IL18RAP: variants seen among roughly 807,000 people sequenced by gnomAD.
The protein encoded by IL18RAP is interleukin-18 receptor accessory protein.
In IL18RAP, 37 loss-of-function variants were observed where a neutral mutation model predicts 58.1. The ratio of observed to expected loss-of-function variants is 0.64; its 90% CI spans 0.49 to 0.84. The LOEUF (loss-of-function observed/expected upper bound fraction) is 0.84, where lower values mean the gene tolerates loss of function less well. Ranked by LOEUF, IL18RAP falls within the 40% of genes least tolerant of loss-of-function variation. The pLI is 0.00. For missense variants in IL18RAP, 667 were observed against 704.8 expected (o/e 0.95, Z 0.61); for synonymous variants, 268 against 257.5 (o/e 1.04, Z -0.39).
At chr2:102,440,033 A>G (rs13021177) in intron 4 of IL18RAP, 75,331 of 152,082 alleles carry the variant, frequency 0.5, 19,679 homozygotes, top group African/African-American at 0.6. Flanking sequence ...CAGCAAGTGA[A>G]TATCAGTGGA....
chr2:102,424,110 T>C lies in IL18RAP; in HGVS notation c.370T>C (p.Tyr124His). Reference protein sequence around the residue: ...LTPGVNNSGSYICRPKMIKSP... With the variant: ...LTPGVNNSGSHICRPKMIKSP... Reference sequence around the variant, plus strand: ...CCCAGGGGTGAATAATTCTGGGTCATATATTTGTAGACCCAAGATGATTAA... The same window carrying C: ...CCCAGGGGTGAATAATTCTGGGTCACATATTTGTAGACCCAAGATGATTAA... The change falls in exon 2 of 10, where the codon TAT becomes CAT. Residue 124 changes from tyrosine to histidine, a missense_variant. By Grantham distance (83) the Tyr-to-His change is moderately conservative (BLOSUM62 2). Coordinates refer to ENST00000687160, the MANE Select transcript of IL18RAP (RefSeq NM_001393487.1). The C allele has an allele frequency of 3.1e-6, 5 of 1,612,636 alleles. No individual in the cohort carries two copies. Among genetic ancestry groups the C allele is most frequent in the Non-Finnish European group, 4.2e-6 (5 of 1,178,870 alleles).
chr2:102,450,223 C>T (rs1035543829), intron 8 of IL18RAP, among the ~76,000 whole-genome samples: 2 of 274 alleles, frequency 7.3e-3, no homozygotes, highest in African/African-American at 0.026. Context: ...TATCCTATAA[C>T]AAGTTATATA....
chr2:102,420,703 C>A (rs1297808271), upstream of IL18RAP, among the ~76,000 whole-genome samples: 1 of 152,112 alleles, frequency 6.6e-6, no homozygotes, highest in African/African-American at 2.4e-5. Context: ...TTACAAATAT[C>A]CCGACTTAAA....
At chr2:102,428,530 A>G (rs1682122270) in intron 3 of IL18RAP, among the ~76,000 whole-genome samples, 1 of 151,796 alleles carries the variant, frequency 6.6e-6, no homozygotes, top group African/African-American at 2.4e-5. Context: ...GTACAGGGAA[A>G]CACTGCTAAT....
chr2:102,420,716 T>C (rs11465683), upstream of IL18RAP, among the ~76,000 whole-genome samples: 1,170 of 152,316 alleles, frequency 7.7e-3, 20 homozygotes, highest in Non-Finnish European at 0.013. Flanking sequence ...GACTTAAACA[T>C]CAGAAATTCT....
intron 3 of IL18RAP, among the ~76,000 whole-genome samples, chr2:102,432,101 CT>C (rs966809587): frequency 2.0e-5 from 3 of 152,084 alleles, no homozygotes; most frequent in African/African-American, 7.2e-5. Flanking sequence ...ACTATGTAGT[CT>C]AGCCTGGGAT....
chr2:102,424,687 C>T (rs1681821109), intron 3 of IL18RAP, among the ~76,000 whole-genome samples: 1 of 152,156 alleles, frequency 6.6e-6, no homozygotes, highest in Non-Finnish European at 1.5e-5. Flanking sequence ...TAGACATAAA[C>T]CTACTAACAT....
chr2:102,418,761 G>T (rs550654296), upstream of IL18RAP: 2 of 152,236 alleles, frequency 1.3e-5, no homozygotes, highest in Non-Finnish European at 2.9e-5. Flanking sequence ...TTTTGAGCTG[G>T]TGTAACGTGG....
intron 3 of IL18RAP, among the ~76,000 whole-genome samples, chr2:102,432,776 T>C (rs911646058): frequency 2.0e-5 from 3 of 152,242 alleles, no homozygotes; most frequent in Non-Finnish European, 4.4e-5. Flanking sequence ...TGGGTCACCA[T>C]GCTTGGAGAT....
intron 3 of IL18RAP, among the ~76,000 whole-genome samples, chr2:102,431,083 A>G (rs1187192597): frequency 1.3e-5 from 2 of 152,204 alleles, no homozygotes; most frequent in Admixed American, 1.3e-4. Context: ...CAGTTTAAAT[A>G]ATTCCTTTTA....
At chr2:102,431,689 A>T (rs993804736) in intron 3 of IL18RAP, among the ~76,000 whole-genome samples, 2 of 152,036 alleles carry the variant, frequency 1.3e-5, no homozygotes, top group Non-Finnish European at 2.9e-5. Context: ...TGTTGATATT[A>T]TAGTTCAGGT....
chr2:102,446,944 G>A, intron 7 of IL18RAP, 126 bp from the exon 8 acceptor site: 1 of 999,328 alleles, frequency 1.0e-6, no homozygotes, highest in Non-Finnish European at 1.5e-6. Context: ...TGCTGCTAGT[G>A]GCAATGATTT....
rs377337034 is a variant in IL18RAP at position 102,424,065 on chromosome 2, T to C, written c.325T>C (p.Cys109Arg). The C allele has an allele frequency of 1.9e-6, 3 of 1,613,992 alleles. No individual in the cohort carries two copies. The highest frequency in any genetic ancestry group is 2.7e-5 in the African/African-American group (2 of 74,928). ...KSYPHIIQDK[C>R]TLHFLTPGVN... ...CTATCCTCACATCATTCAGGACAAA[T>C]GTACCCTTCACTTTTTGACCCCAGG... The change falls in exon 2 of 10, where the codon TGT (cysteine) becomes CGT (arginine). Residue 109 changes from cysteine (C) to arginine (R), a missense_variant. By Grantham distance (180) the Cys-to-Arg change is radical (BLOSUM62 -3). Coordinates refer to ENST00000687160, the MANE Select transcript of IL18RAP (RefSeq NM_001393487.1).
chr2:102,422,329 C>T (rs141522677), upstream of IL18RAP, among the ~76,000 whole-genome samples: 589 of 152,288 alleles, frequency 3.9e-3, 5 homozygotes, highest in African/African-American at 0.013. Flanking sequence ...TTAGGTTTGT[C>T]ATTCTTTATT....
intron 8 of IL18RAP, among the ~76,000 whole-genome samples, chr2:102,448,461 T>C (rs929079846): frequency 3.3e-5 from 5 of 152,224 alleles, no homozygotes; most frequent in Admixed American, 6.5e-5. Flanking sequence ...TCTGTTTTTT[T>C]CTAGTCCTGG....
upstream of IL18RAP, chr2:102,419,479 C>T (rs1681438272): frequency 6.6e-6 from 1 of 152,334 alleles, no homozygotes; most frequent in Admixed American, 6.5e-5. Context: ...GTTGACACTG[C>T]TTTCTCCAGC....
rs780729986 is a variant in IL18RAP at position 102,447,223 on chromosome 2, C to T, written c.1210+16C>T. On this transcript the variant is annotated intron_variant, in intron 8 of 9. Transcript: ENST00000687160. ...ACGCTTGGGGGTAAGTTTACCTCCA[C>T]ATGCAGCCCTCTGACTTTTCCTCTG... The T allele has an allele frequency of 5.0e-6, 8 of 1,610,444 alleles. No homozygotes were observed. Among genetic ancestry groups the T allele is most frequent in the East Asian group, 4.5e-5 (2 of 44,764 alleles).
At chr2:102,427,485 T>G (rs1682027474) in intron 3 of IL18RAP, among the ~76,000 whole-genome samples, 1 of 152,198 alleles carries the variant, frequency 6.6e-6, no homozygotes, top group South Asian at 2.1e-4. Context: ...TCAGCATTTT[T>G]TCATATAGTT....
upstream of IL18RAP, among the ~76,000 whole-genome samples, chr2:102,421,543 A>G (rs1340842133): frequency 1.3e-5 from 2 of 152,070 alleles, no homozygotes; most frequent in African/African-American, 4.8e-5. Flanking sequence ...AAGTGGGGAG[A>G]CCACATCTTT....
Sources: gnomAD v4.1 joint callset for allele counts (sites outside exome capture counted in the v4.1 genomes callset) on GRCh38, gnomAD v4.1.1 for gene constraint, MANE v1.5 for transcripts, NCBI Gene and HGNC (gene_info 2026-07-23, HGNC 2026-07-21) for gene names.